AUTS2: variants seen among roughly 807,000 people sequenced by gnomAD.
AUTS2 encodes activator of transcription and developmental regulator AUTS2.
AUTS2 carries 17 observed loss-of-function variants against 112.4 expected under a neutral mutation model. The observed-to-expected ratio is 0.15, with a 90% CI of 0.10 to 0.23. The LOEUF is 0.23. Among genes scored for constraint, AUTS2 ranks in the 10% least tolerant of loss-of-function variants. The pLI, the probability that AUTS2 is intolerant of heterozygous loss-of-function variation, is 1.00. For missense variants in AUTS2, 1,510 were observed against 1,701.6 expected, an observed-to-expected ratio of 0.89 and a Z score of 1.98; for synonymous variants, 751 against 702.7, an observed-to-expected ratio of 1.07 and a Z score of -1.09.
At chr7:70,164,230 A>C (rs1562754156) in intron 4 of AUTS2, among the ~76,000 whole-genome samples, 1 of 152,202 alleles carries the variant, frequency 6.6e-6, no homozygotes, top group African/African-American at 2.4e-5. Context: ...TGTAAGATGT[A>C]GTTGTTATAA....
At chr7:70,698,794 TTAAC>T (rs1431786329) in intron 6 of AUTS2, 174 bp downstream of exon 6, 23 of 494,474 alleles carry the variant, frequency 4.7e-5, no homozygotes, top group African/African-American at 4.4e-4. Flanking sequence ...TGCATTAACA[TTAAC>T]AACCAGTTTA....
At chr7:69,697,526 G>T (rs1289568042) in intron 1 of AUTS2, among the ~76,000 whole-genome samples, 1 of 152,164 alleles carries the variant, frequency 6.6e-6, no homozygotes, top group East Asian at 1.9e-4. Flanking sequence ...GCTATGAGGT[G>T]CAGTCTGAGC....
intron 1 of AUTS2, among the ~76,000 whole-genome samples, chr7:69,631,807 T>G (rs1794256309): frequency 6.6e-6 from 1 of 152,224 alleles, no homozygotes; most frequent in Non-Finnish European, 1.5e-5. Flanking sequence ...AAGAACATCT[T>G]TAACTGCTGT....
intron 3 of AUTS2, among the ~76,000 whole-genome samples, chr7:70,128,162 A>G (rs564328066): frequency 1.3e-5 from 2 of 152,170 alleles, no homozygotes; most frequent in Non-Finnish European, 2.9e-5. Context: ...TTTCCTTAAC[A>G]GTTTGCTTAT....
At chr7:69,888,387 C>G (rs1794367163) in intron 1 of AUTS2, among the ~76,000 whole-genome samples, 4 of 151,048 alleles carry the variant, frequency 2.6e-5, no homozygotes, top group Admixed American at 2.6e-4. Flanking sequence ...GTACCAGTCT[C>G]TTTTTAACAA....
intron 2 of AUTS2, among the ~76,000 whole-genome samples, chr7:70,035,624 A>G (rs1431788062): frequency 1.3e-5 from 2 of 152,196 alleles, no homozygotes; most frequent in Non-Finnish European, 2.9e-5. Context: ...AGAAACTTAG[A>G]TTTTAATGTT....
At chr7:70,384,564 G>T (rs1793522002) in intron 4 of AUTS2, among the ~76,000 whole-genome samples, 1 of 152,182 alleles carries the variant, frequency 6.6e-6, no homozygotes, top group African/African-American at 2.4e-5. Flanking sequence ...CTCAGCTCCA[G>T]GCTGCTGTGC....
chr7:70,782,527 C>T lies in AUTS2; in HGVS notation c.2146+771C>T, dbSNP rs1455784399. Reference sequence around the variant, plus strand: ...TGTGTGTGTGCTGGATGAGAACAGCCCTCTTGGTATTAAGGGTTTCTTGTC... The same window carrying T: ...TGTGTGTGTGCTGGATGAGAACAGCTCTCTTGGTATTAAGGGTTTCTTGTC... On this transcript the variant is annotated intron_variant, in intron 15 of 18. Transcript: ENST00000342771. The T allele has an allele frequency of 2.0e-5, 3 of 152,054 alleles. No individual in the cohort carries two copies. The South Asian group carries it at 6.2e-4, about 31-fold the overall frequency. The allele number at this position is 152,054 out of a possible 1,614,324, so 9.4% of individuals were successfully genotyped here.
intron 4 of AUTS2, among the ~76,000 whole-genome samples, chr7:70,284,242 A>C (rs936241075): frequency 5.3e-5 from 8 of 152,202 alleles, no homozygotes; most frequent in Non-Finnish European, 1.2e-4. Context: ...ATATTATATC[A>C]TTGTATAGTA....
chr7:69,725,971 TA>T (rs58895528), intron 1 of AUTS2, among the ~76,000 whole-genome samples: 14,762 of 152,118 alleles, frequency 0.097, 1,123 homozygotes, highest in African/African-American at 0.21. Flanking sequence ...AAAGTTAGAT[TA>T]TTTTTTTTCC....
At chr7:70,788,435 G>A (rs116290013) in intron 18 of AUTS2, among the ~76,000 whole-genome samples, 1,680 of 152,304 alleles carry the variant, frequency 0.011, 30 homozygotes, top group African/African-American at 0.038. Context: ...CTTCAAGGCA[G>A]TATGATAACA....
intron 2 of AUTS2, among the ~76,000 whole-genome samples, chr7:70,030,427 A>G (rs896478955): frequency 6.6e-6 from 1 of 152,196 alleles, no homozygotes; most frequent in Non-Finnish European, 1.5e-5. Context: ...TAATGATGTA[A>G]TGACCTTGGA....
At chr7:70,674,190 G>C (rs1807794995) in intron 5 of AUTS2, among the ~76,000 whole-genome samples, 1 of 152,240 alleles carries the variant, frequency 6.6e-6, no homozygotes, top group Non-Finnish European at 1.5e-5. Flanking sequence ...GGGGGGCCCT[G>C]AGAAAGGAAT....
chr7:70,490,994 A>G (rs1247577422), intron 5 of AUTS2, among the ~76,000 whole-genome samples: 1 of 152,192 alleles, frequency 6.6e-6, no homozygotes, highest in East Asian at 1.9e-4. Context: ...AGACAACATC[A>G]AGAGAGAAGG....
chr7:70,227,858 A>G (rs964151102), intron 4 of AUTS2, among the ~76,000 whole-genome samples: 3 of 152,102 alleles, frequency 2.0e-5, no homozygotes, highest in Non-Finnish European at 4.4e-5. Flanking sequence ...CATATGATCT[A>G]TTTTGATGAT....
At chr7:69,778,534 C>G (rs1485410743) in intron 1 of AUTS2, among the ~76,000 whole-genome samples, 1 of 152,008 alleles carries the variant, frequency 6.6e-6, no homozygotes, top group East Asian at 1.9e-4. Flanking sequence ...ACTTACTGCT[C>G]TAACGTGTCA....
intron 6 of AUTS2, among the ~76,000 whole-genome samples, chr7:70,722,450 C>T (rs61348062): frequency 0.048 from 7,292 of 152,128 alleles, 338 homozygotes; most frequent in African/African-American, 0.12. Context: ...AGCTGTATAG[C>T]CAAATGAGCT....
chr7:69,769,886 T>G (rs1284954883), intron 1 of AUTS2, among the ~76,000 whole-genome samples: 1 of 152,220 alleles, frequency 6.6e-6, no homozygotes, highest in African/African-American at 2.4e-5. Context: ...GGGTGAAATA[T>G]ATGTTAAACC....
intron 1 of AUTS2, among the ~76,000 whole-genome samples, chr7:69,689,644 A>T (rs1312989391): frequency 5.3e-3 from 7 of 1,326 alleles, no homozygotes; most frequent in Admixed American, 0.011. Flanking sequence ...CCGGCCTTTT[A>T]TTTATTTATT....
Sources: allele counts gnomAD v4.1 joint callset (sites outside exome capture counted in the v4.1 genomes callset), GRCh38; gene constraint gnomAD v4.1.1; transcripts MANE v1.5; gene names NCBI Gene and HGNC (gene_info 2026-07-23, HGNC 2026-07-21).